CHMP7: variants seen among roughly 807,000 people sequenced by gnomAD.
CHMP7 encodes charged multivesicular body protein 7.
CHMP7 carries 15 observed loss-of-function variants against 53.7 expected under a neutral mutation model. The observed-to-expected ratio is 0.28, with a 90% CI of 0.19 to 0.43. CHMP7 has a LOEUF of 0.43. Among genes scored for constraint, CHMP7 ranks in the 20% least tolerant of loss-of-function variants. The probability of loss-of-function intolerance (pLI) is 1.00; values close to 1 mark genes in which losing one functional copy is unlikely to be tolerated. For missense variants in CHMP7, 527 were observed against 569.4 expected (o/e 0.93, Z 0.76); for synonymous variants, 261 against 228.0 (o/e 1.14, Z -1.30).
intron 3 of CHMP7, among the ~76,000 whole-genome samples, chr8:23,251,372 G>A (rs934541922): frequency 6.6e-6 from 1 of 152,046 alleles, no homozygotes; most frequent in African/African-American, 2.4e-5. Flanking sequence ...CTCTCTTTGG[G>A]TACTCTCTTC....
At chr8:23,259,215 C>T (rs1179269696) in intron 9 of CHMP7, 89 bp downstream of exon 9, 3 of 650,648 alleles carry the variant, frequency 4.6e-6, no homozygotes, top group African/African-American at 2.1e-5. Context: ...GTCGCCCAGG[C>T]TGGAGTGCAG....
chr8:23,258,784 A>G lies in CHMP7; in HGVS notation c.1013A>G (p.Asp338Gly), dbSNP rs987424531. 1.2e-6 allele frequency: 2 copies of G among 1,613,812 alleles called. No homozygotes were observed. The change falls in exon 8 of 11, where the codon GAT becomes GGT. Residue 338 changes from aspartate to glycine, a missense_variant. By Grantham distance (94) the Asp-to-Gly change is moderately conservative. Coordinates refer to ENST00000397677, the MANE Select transcript of CHMP7 (RefSeq NM_152272.5). ...GVGALKLSMK[D>G]VTVEKAESLV... is the part of the protein sequence containing the mutation. ...GGAGCACTCAAACTCTCCATGAAGG[A>G]TGTCACAGTGGAGAAGGCAGAGAGC...
At chr8:23,252,840 TC>T (rs1405433749) in intron 3 of CHMP7, among the ~76,000 whole-genome samples, 2 of 152,234 alleles carry the variant, frequency 1.3e-5, no homozygotes, top group Non-Finnish European at 2.9e-5. Flanking sequence ...TGTCTCAGTA[TC>T]TTTTCTTGAT....
chr8:23,255,109 G>A (rs1348774537), intron 3 of CHMP7, 138 bp from the exon 4 acceptor site: 3 of 805,838 alleles, frequency 3.7e-6, no homozygotes, highest in Middle Eastern at 3.6e-4. Flanking sequence ...TTTTTGAAAA[G>A]CCGCTACTTT....
chr8:23,251,020 A>C (rs1458309123), intron 3 of CHMP7, among the ~76,000 whole-genome samples: 3 of 152,184 alleles, frequency 2.0e-5, no homozygotes, highest in Non-Finnish European at 4.4e-5. Flanking sequence ...CCTGGTCTCC[A>C]GGGCTCAGTC....
At position 23,260,618 on chromosome 8, in the gene CHMP7, C is replaced by CCT; in HGVS notation, c.*21_*22dup. 6.2e-7 allele frequency: 1 copy of CCT among 1,602,512 alleles called. No homozygotes were observed. Among genetic ancestry groups the CCT allele is most frequent in the Non-Finnish European group, 8.6e-7 (1 of 1,169,404 alleles). On this transcript the variant is annotated 3_prime_UTR_variant, in exon 11 of 11. Coordinates refer to ENST00000397677, the MANE Select transcript of CHMP7 (RefSeq NM_152272.5). ...ATTGTAGGACCCTCAAGTGAAGGACCCTCATGTAAAAGAGAGACCAGGCTT... is the reference window on the plus strand; with the variant it reads ...ATTGTAGGACCCTCAAGTGAAGGACCCTCTCATGTAAAAGAGAGACCAGGCTT...
chr8:23,255,149 C>T (rs3736025), intron 3 of CHMP7, 98 bp from the exon 4 acceptor site: 537,927 of 1,270,562 alleles, frequency 0.42, 115,558 homozygotes, highest in East Asian at 0.51. Flanking sequence ...TTCCCGGGTG[C>T]TTGCCTTGTG....
chr8:23,260,164 G>A lies in CHMP7; in HGVS notation c.1141G>A (p.Glu381Lys). The change falls in exon 10 of 11, where the codon GAG becomes AAG. Residue 381 changes from glutamate (E) to lysine (K), a missense_variant. By Grantham distance (56) the Glu-to-Lys change is moderately conservative. Coordinates refer to ENST00000397677, the MANE Select transcript of CHMP7 (RefSeq NM_152272.5). Reference sequence around the variant, plus strand: ...TCCAGATTTTGACAGTGAAGAACTGGAGAAGGAATTGGACATCCTCCTTCA... The same window carrying A: ...TCCAGATTTTGACAGTGAAGAACTGAAGAAGGAATTGGACATCCTCCTTCA... ...NGLDFDSEEL[E>K]KELDILLQDT... The A allele has an allele frequency of 6.2e-7, 1 of 1,614,048 alleles. No homozygotes were observed. Among genetic ancestry groups the A allele is most frequent in the Non-Finnish European group, 8.5e-7 (1 of 1,179,918 alleles).
chr8:23,248,477 T>C (rs1801796797), intron 2 of CHMP7, among the ~76,000 whole-genome samples: 1 of 152,226 alleles, frequency 6.6e-6, no homozygotes, highest in Non-Finnish European at 1.5e-5. Context: ...CAGCTTTTGC[T>C]TGAGGGCCGG....
At chr8:23,248,075 G>A (rs1223770184) in intron 2 of CHMP7, 1 of 456,212 alleles carries the variant, frequency 2.2e-6, no homozygotes, top group Admixed American at 2.3e-5. Flanking sequence ...GCCTCCCAAA[G>A]TGTTAAGATT....
At chr8:23,244,419 T>G (rs895952577) in intron 1 of CHMP7, among the ~76,000 whole-genome samples, 1 of 152,240 alleles carries the variant, frequency 6.6e-6, no homozygotes, top group African/African-American at 2.4e-5. Flanking sequence ...AACCATTGTA[T>G]TGCCTTTCTT....
intron 3 of CHMP7, among the ~76,000 whole-genome samples, chr8:23,252,069 T>TG (rs1009990383): frequency 5.1e-5 from 3 of 58,472 alleles, no homozygotes; most frequent in South Asian, 1.7e-3. Context: ...ACCAACTTAT[T>TG]GGGAAAAAAA....
intron 3 of CHMP7, 26 bp downstream of exon 3, chr8:23,249,407 G>T (rs1801834170): frequency 6.5e-7 from 1 of 1,538,222 alleles, no homozygotes. Flanking sequence ...GGGGTGTCTG[G>T]GTGTCACCTG....
chr8:23,260,833 G>A lies in CHMP7; in HGVS notation c.*234G>A, dbSNP rs901493308. 7.3e-5 allele frequency: 43 copies of A among 588,714 alleles called. No homozygotes were observed. Among genetic ancestry groups the A allele is most frequent in the African/African-American group, 6.2e-4 (33 of 53,630 alleles). The allele number at this position is 588,714 out of a possible 1,614,324, so 36.5% of individuals were successfully genotyped here. On this transcript the variant is annotated 3_prime_UTR_variant, in exon 11 of 11. Coordinates refer to ENST00000397677, the MANE Select transcript of CHMP7 (RefSeq NM_152272.5). ...TGCCTTCTCATCTTTATAGTGCCACGATTTATACAGTCCTGTGTCTGACCT... is the reference window on the plus strand; with the variant it reads ...TGCCTTCTCATCTTTATAGTGCCACAATTTATACAGTCCTGTGTCTGACCT...
Position 23,249,320 on chromosome 8 carries a change from A to C in CHMP7, c.410A>C (p.Asn137Thr), listed in dbSNP as rs1801830154. 6.2e-7 allele frequency: 1 copy of C among 1,613,098 alleles called. No individual in the cohort carries two copies. Among genetic ancestry groups the C allele is most frequent in the Non-Finnish European group, 8.5e-7 (1 of 1,179,616 alleles). The change falls in exon 3 of 11, where the codon AAC becomes ACC. Residue 137 changes from asparagine to threonine, a missense_variant. Coordinates refer to ENST00000397677, the MANE Select transcript of CHMP7 (RefSeq NM_152272.5). ...AAGCCTCTCAAGTGGACTCTTTCTA[A>C]CATGCTGGGAGATAATAAGGTTCCA... ...LLKPLKWTLS[N>T]MLGDNKVPAE...
rs924392697 is a variant in CHMP7, at chr8:23,255,273, G to C, written c.498G>C (p.Leu166=). 2 of 1,614,156 alleles carry C rather than the reference G, an allele frequency of 1.2e-6. No homozygotes were observed. The highest frequency in any genetic ancestry group is 1.7e-6 in the Non-Finnish European group (2 of 1,180,036). The stretch of plus-strand genomic sequence containing the variant: ...AAAAGGCTGAGGAGGTGTATCGTCT[G>C]TATCAGAACTCGCCCCTCTCCTCCC... ...LKEKAEEVYR[L]YQNSPLSSHP... Residue 166 remains leucine, a synonymous_variant, in exon 4 of 11, where the codon CTG becomes CTC. Coordinates refer to ENST00000397677, the MANE Select transcript of CHMP7 (RefSeq NM_152272.5).
At chr8:23,247,037 G>A in intron 2 of CHMP7, 43 bp downstream of exon 2, 1 of 1,460,982 alleles carries the variant, frequency 6.8e-7, no homozygotes, top group Non-Finnish European at 9.0e-7. Flanking sequence ...GCGGGCGGGG[G>A]CAGCTCTCGG....
intron 9 of CHMP7, chr8:23,259,820 G>A (rs540514637): frequency 2.6e-4 from 62 of 236,382 alleles, no homozygotes; most frequent in East Asian, 8.2e-4. Context: ...TTTCCTCCTC[G>A]ACAGCTGTGC....
At position 23,258,362 on chromosome 8, in the gene CHMP7, A is replaced by G. The variant is rs1198884619; in HGVS notation, c.873A>G (p.Thr291=). Residue 291 remains threonine, a synonymous_variant, in exon 7 of 11, where the codon ACA becomes ACG. Transcript: ENST00000397677. ...GGTCTCTCAAGGCCAAGCAACGGACAGAGAAGCGCATCGAGGCCTTGCATG... is the reference window on the plus strand; with the variant it reads ...GGTCTCTCAAGGCCAAGCAACGGACGGAGAAGCGCATCGAGGCCTTGCATG... ...ALRSLKAKQR[T]EKRIEALHAK... The G allele has an allele frequency of 1.2e-6, 2 of 1,614,070 alleles. No individual in the cohort carries two copies. Among genetic ancestry groups the G allele is most frequent in the African/African-American group, 2.7e-5 (2 of 74,942 alleles).
Sources: gnomAD v4.1 joint callset for allele counts (sites outside exome capture counted in the v4.1 genomes callset) on GRCh38, gnomAD v4.1.1 for gene constraint, MANE v1.5 for transcripts, NCBI Gene and HGNC (gene_info 2026-07-23, HGNC 2026-07-21) for gene names.